The following SPMAP2 variants were observed in gnomAD, a reference collection of about 807,000 sequenced individuals.
The protein encoded by SPMAP2 is sperm microtubule associated protein 2.
At chr19:370,592 C>T in the SPMAP2 span, among the ~76,000 whole-genome samples, 3 of 151,870 alleles carry the variant, frequency 2.0e-5, no homozygotes, top group East Asian at 1.9e-4. Context: ...CCTCGTGATC[C>T]ACCCGCCTCA....
chr19:375,971 A>C, the SPMAP2 span: 6 of 1,395,870 alleles, frequency 4.3e-6, no homozygotes, highest in South Asian at 1.8e-5. Context: ...TGTCCCCCAT[A>C]CACCGGTCCC....
chr19:375,531 C>T, the SPMAP2 span: 85 of 1,029,028 alleles, frequency 8.3e-5, no homozygotes, highest in East Asian at 1.1e-4. Flanking sequence ...CCGGGCCCCT[C>T]GGGAGCAGCG....
At chr19:370,134 A>G in the SPMAP2 span, among the ~76,000 whole-genome samples, 18 of 151,984 alleles carry the variant, frequency 1.2e-4, no homozygotes, top group Admixed American at 6.5e-4. Flanking sequence ...ATCCCCACAC[A>G]GAGAATGCAA....
At chr19:372,655 T>A in the SPMAP2 span, 1 of 1,614,056 alleles carries the variant, frequency 6.2e-7, no homozygotes, top group Non-Finnish European at 8.5e-7. Context: ...ATATTCCAGG[T>A]AGAATCTCTT....
chr19:374,932 C>T, the SPMAP2 span, among the ~76,000 whole-genome samples: 2 of 152,234 alleles, frequency 1.3e-5, no homozygotes, highest in African/African-American at 2.4e-5. Flanking sequence ...CTGGCTCCCA[C>T]GTTCTCCCCA....
At chr19:370,445 G>C in the SPMAP2 span, among the ~76,000 whole-genome samples, 1 of 151,422 alleles carries the variant, frequency 6.6e-6, no homozygotes, top group African/African-American at 2.4e-5. Flanking sequence ...GGGTTCAAGC[G>C]ATTCTCCTGC....
chr19:371,019 G>A, the SPMAP2 span, among the ~76,000 whole-genome samples: 3 of 152,208 alleles, frequency 2.0e-5, no homozygotes, highest in Non-Finnish European at 4.4e-5. Context: ...GAAGCGCAGG[G>A]AAGGATGACC....
the SPMAP2 span, chr19:362,281 G>A: frequency 1.2e-5 from 19 of 1,602,566 alleles, no homozygotes; most frequent in Non-Finnish European, 1.4e-5. Flanking sequence ...GGGGACGCCT[G>A]TCGTATCCCT....
the SPMAP2 span, among the ~76,000 whole-genome samples, chr19:368,198 C>G: frequency 6.6e-6 from 1 of 152,128 alleles, no homozygotes; most frequent in South Asian, 2.1e-4. The surrounding 1 kb of genome is among the most constrained non-coding windows in gnomAD (Gnocchi z 4.1). Flanking sequence ...TGGCATTTTC[C>G]AGAAAACCCA....
At chr19:374,296 C>G in the SPMAP2 span, 1 of 1,614,022 alleles carries the variant, frequency 6.2e-7, no homozygotes, top group Non-Finnish European at 8.5e-7. Flanking sequence ...GGCGTGTCCT[C>G]ACCTGTCTTT....
At chr19:369,703 A>C in the SPMAP2 span, among the ~76,000 whole-genome samples, 1 of 152,216 alleles carries the variant, frequency 6.6e-6, no homozygotes, top group Admixed American at 6.5e-5. Flanking sequence ...AGAGTCAGCA[A>C]AGGGTGGTGG....
chr19:373,797 C>T, the SPMAP2 span: 4 of 830,766 alleles, frequency 4.8e-6, no homozygotes, highest in African/African-American at 5.1e-5. Context: ...ACCCAGGTCA[C>T]AAGGGTGGAG....
the SPMAP2 span, among the ~76,000 whole-genome samples, chr19:364,269 G>A: frequency 2.7e-5 from 4 of 150,006 alleles, no homozygotes; most frequent in East Asian, 3.9e-4. Context: ...CCCGGGAGGC[G>A]GAGCTTGCAG....
the SPMAP2 span, among the ~76,000 whole-genome samples, chr19:369,163 G>A: frequency 1.3e-5 from 2 of 152,154 alleles, no homozygotes; most frequent in Non-Finnish European, 2.9e-5. Context: ...TTAAACAAGT[G>A]GGGTCTGAGA....
chr19:364,185 A>C, the SPMAP2 span, among the ~76,000 whole-genome samples: 2 of 150,522 alleles, frequency 1.3e-5, no homozygotes, highest in African/African-American at 4.9e-5. Flanking sequence ...TACAAAAAAA[A>C]AATTAGCCGG....
the SPMAP2 span, among the ~76,000 whole-genome samples, chr19:371,543 T>C: frequency 1.3e-5 from 2 of 152,114 alleles, no homozygotes; most frequent in Non-Finnish European, 2.9e-5. Context: ...TCGTAAAGAA[T>C]TTCTAAGAGT....
At chr19:375,561 T>TA in the SPMAP2 span, 9 of 1,263,528 alleles carry the variant, frequency 7.1e-6, no homozygotes, top group Non-Finnish European at 9.6e-6. Context: ...GGTGGCCGGT[T>TA]ACGACCCTTT....
chr19:371,397 T>A, the SPMAP2 span: 1 of 593,384 alleles, frequency 1.7e-6, no homozygotes, highest in Non-Finnish European at 2.7e-6. Flanking sequence ...TGTGTGTGTG[T>A]GTGTGTGTAT....
At chr19:364,924 C>T in the SPMAP2 span, among the ~76,000 whole-genome samples, 308 of 152,356 alleles carry the variant, frequency 2.0e-3, 1 homozygote, top group African/African-American at 6.9e-3. Context: ...AAAGCTCCCA[C>T]CTTCTTTCCA....
Sources: allele counts gnomAD v4.1 joint callset (sites outside exome capture counted in the v4.1 genomes callset), GRCh38; gene constraint gnomAD v4.1.1; non-coding constraint Gnocchi (gnomAD v3.1); transcripts MANE v1.5; gene names NCBI Gene and HGNC (gene_info 2026-07-23, HGNC 2026-07-21).